The following SIPA1L3 variants were observed in gnomAD, a reference collection of about 807,000 sequenced individuals.
SIPA1L3 encodes signal-induced proliferation-associated 1-like protein 3.
A neutral mutation model predicts 150.1 loss-of-function variants in SIPA1L3; 59 were observed. The observed-to-expected ratio is 0.39, with a 90% confidence interval of 0.32 to 0.49. The LOEUF is 0.49. Among genes scored for constraint, SIPA1L3 ranks in the 20% least tolerant of loss-of-function variants. The probability of loss-of-function intolerance (pLI) is 0.86; values close to 1 mark genes in which losing one functional copy is unlikely to be tolerated. For synonymous variants in SIPA1L3, 1,070 were observed against 1,077.6 expected, an observed-to-expected ratio of 0.99 and a Z score of 0.14; for missense variants, 2,211 against 2,489.5, an observed-to-expected ratio of 0.89 and a Z score of 2.38.
In SIPA1L3 at chr19:38,081,480, G is replaced by GC. The variant is rs1969976797; in HGVS notation, c.-83dup. 8 of 1,332,982 alleles carry GC rather than the reference G, an allele frequency of 6.0e-6. No individual in the cohort carries two copies. The highest frequency in any genetic ancestry group is 8.2e-6 in the Non-Finnish European group (8 of 977,452). The allele number at this position is 1,332,982 out of a possible 1,614,324, so 82.6% of individuals were successfully genotyped here. On this transcript the variant is annotated 5_prime_UTR_variant, in exon 3 of 22. The change abolishes the stop of an existing upstream ORF in the 5' untranslated region. Transcript: ENST00000222345. ...AGCATCCTTCATCCTGGGCCTGGCT[G>GC]CCCTGAACAATGGCTGAGGGCTGGG...
At chr19:38,125,940 G>A (rs769898375) in intron 9 of SIPA1L3, among the ~76,000 whole-genome samples, 11 of 152,318 alleles carry the variant, frequency 7.2e-5, no homozygotes, top group Admixed American at 6.5e-4. Flanking sequence ...TTGGAAGGCC[G>A]AGGCGGGTGG....
chr19:38,019,462 C>T (rs893108936), intron 1 of SIPA1L3, among the ~76,000 whole-genome samples: 9 of 152,150 alleles, frequency 5.9e-5, no homozygotes, highest in African/African-American at 9.7e-5. Flanking sequence ...GAGGAATTTT[C>T]CTCAAAGTCC....
intron 8 of SIPA1L3, among the ~76,000 whole-genome samples, chr19:38,112,242 A>G (rs977252419): frequency 4.0e-5 from 6 of 151,124 alleles, no homozygotes; most frequent in African/African-American, 1.5e-4. Flanking sequence ...ACACACCTGC[A>G]CTCACACAGG....
intron 8 of SIPA1L3, among the ~76,000 whole-genome samples, chr19:38,110,804 C>T (rs187378558): frequency 1.7e-4 from 26 of 152,134 alleles, no homozygotes; most frequent in Non-Finnish European, 3.8e-4. Flanking sequence ...CTTTTCTTTC[C>T]CAAGAGTTGC....
At chr19:37,982,578 C>A (rs1361082404) in intron 1 of SIPA1L3, among the ~76,000 whole-genome samples, 1 of 152,214 alleles carries the variant, frequency 6.6e-6, no homozygotes, top group Admixed American at 6.5e-5. Context: ...TATGTCACTT[C>A]CCCAAGGTCA....
chr19:38,073,401 C>T (rs1204088839), intron 2 of SIPA1L3, among the ~76,000 whole-genome samples: 2 of 152,204 alleles, frequency 1.3e-5, no homozygotes, highest in Non-Finnish European at 1.5e-5. Context: ...ATGTCTTCAC[C>T]GTGCAAAGCA....
intron 16 of SIPA1L3, 172 bp downstream of exon 16, chr19:38,182,912 G>T: frequency 3.5e-6 from 2 of 576,728 alleles, no homozygotes; most frequent in Non-Finnish European, 6.1e-6. Flanking sequence ...CCCCTCTTGG[G>T]GAGCTGGCAT....
chr19:37,980,737 G>A (rs974080988), intron 1 of SIPA1L3, among the ~76,000 whole-genome samples: 1 of 152,202 alleles, frequency 6.6e-6, no homozygotes, highest in African/African-American at 2.4e-5. Flanking sequence ...TCCATGCCCT[G>A]ATTTCTCTGT....
intron 1 of SIPA1L3, among the ~76,000 whole-genome samples, chr19:37,979,766 C>T (rs1311767406): frequency 6.6e-6 from 1 of 152,204 alleles, no homozygotes; most frequent in Admixed American, 6.5e-5. Flanking sequence ...CCCTGCACTA[C>T]ACACTTTCCT....
chr19:38,096,851 G>A (rs962932249), intron 4 of SIPA1L3, among the ~76,000 whole-genome samples: 19 of 152,230 alleles, frequency 1.2e-4, no homozygotes, highest in Admixed American at 1.2e-3. Context: ...TCTATCCTAG[G>A]CATAAACCCA....
chr19:38,134,504 T>C (rs1971388560), intron 10 of SIPA1L3, among the ~76,000 whole-genome samples: 1 of 146,860 alleles, frequency 6.8e-6, no homozygotes, highest in South Asian at 2.2e-4. Flanking sequence ...GTCAGGAGTT[T>C]GAGACCAGCC....
chr19:38,048,791 C>T (rs779172108), intron 2 of SIPA1L3, among the ~76,000 whole-genome samples: 2 of 152,118 alleles, frequency 1.3e-5, no homozygotes, highest in Non-Finnish European at 2.9e-5. Flanking sequence ...CCTCAGTTAA[C>T]ACCCAAAAAA....
intron 4 of SIPA1L3, among the ~76,000 whole-genome samples, chr19:38,096,241 C>T (rs1238366360): frequency 6.6e-6 from 1 of 152,016 alleles, no homozygotes; most frequent in Non-Finnish European, 1.5e-5. Context: ...AATACTTATC[C>T]TCCTTAGTCT....
At chr19:38,187,975 G>A (rs1038728438) in intron 16 of SIPA1L3, among the ~76,000 whole-genome samples, 18 of 151,350 alleles carry the variant, frequency 1.2e-4, no homozygotes, top group Non-Finnish European at 2.7e-4. Flanking sequence ...TAGCCTGGGC[G>A]ACAGAGTGAG....
chr19:38,027,964 C>T (rs1204515412), intron 1 of SIPA1L3, among the ~76,000 whole-genome samples: 2 of 151,890 alleles, frequency 1.3e-5, no homozygotes, highest in Non-Finnish European at 2.9e-5. Context: ...AATGAGTCAG[C>T]ACTTGTCTGC....
chr19:37,932,803 T>A (rs1027361386), intron 1 of SIPA1L3: 1 of 152,268 alleles, frequency 6.6e-6, no homozygotes, highest in African/African-American at 2.4e-5. Context: ...TTTTCCCCCC[T>A]CTTCTCCCTG....
At chr19:37,915,723 G>A (rs920997670) in intron 1 of SIPA1L3, among the ~76,000 whole-genome samples, 1 of 152,184 alleles carries the variant, frequency 6.6e-6, no homozygotes, top group Non-Finnish European at 1.5e-5. Flanking sequence ...GGCTGTTAAA[G>A]TATCATACTA....
chr19:37,924,246 A>G (rs1347627676), intron 1 of SIPA1L3, among the ~76,000 whole-genome samples: 1 of 152,060 alleles, frequency 6.6e-6, no homozygotes, highest in East Asian at 1.9e-4. Flanking sequence ...ACACAAACAC[A>G]TGAGCCTAGG....
chr19:38,029,217 T>C (rs1439856905), intron 2 of SIPA1L3, 61 bp downstream of exon 2: 3 of 152,156 alleles, frequency 2.0e-5, no homozygotes, highest in African/African-American at 7.2e-5. Context: ...ATATTATTTT[T>C]TTTAAAATTT....
Sources: gnomAD v4.1 joint callset for allele counts (sites outside exome capture counted in the v4.1 genomes callset) on GRCh38, gnomAD v4.1.1 for gene constraint, MANE v1.5 for transcripts, NCBI Gene and HGNC (gene_info 2026-07-23, HGNC 2026-07-21) for gene names.